CNST: variants seen among roughly 807,000 people sequenced by gnomAD.
The protein encoded by CNST is consortin, connexin sorting protein, also known as consortin.
CNST carries 39 observed loss-of-function variants against 72.4 expected under a neutral mutation model. That is an observed-to-expected ratio of 0.54 (90% CI 0.42 to 0.70). The LOEUF is 0.70. Ranked by LOEUF, CNST falls within the 30% of genes least tolerant of loss-of-function variation. The pLI is 0.00. For synonymous variants in CNST, 332 were observed against 320.1 expected (o/e 1.04, Z -0.40); for missense variants, 871 against 868.5 (o/e 1.00, Z -0.04).
At chr1:246,593,004 C>G (rs561789650) in intron 2 of CNST, among the ~76,000 whole-genome samples, 15 of 152,218 alleles carry the variant, frequency 9.9e-5, no homozygotes, top group African/African-American at 3.1e-4. Flanking sequence ...CACTTTTTAC[C>G]CAAGCCAACA....
At chr1:246,584,179 C>T (rs553079682) in intron 1 of CNST, among the ~76,000 whole-genome samples, 6 of 152,306 alleles carry the variant, frequency 3.9e-5, no homozygotes, top group Admixed American at 1.3e-4. Context: ...TGGTCTCAAG[C>T]GATCCTCGCA....
intron 2 of CNST, among the ~76,000 whole-genome samples, chr1:246,613,745 G>C (rs893019725): frequency 2.3e-4 from 11 of 48,692 alleles, no homozygotes; most frequent in African/African-American, 8.4e-4. Flanking sequence ...CCAGGCTGGA[G>C]TGCAGTAGCC....
rs957696502 is a variant in CNST, at chr1:246,574,665, G to A, written c.-52+8002G>A. On this transcript the variant is annotated intron_variant, in intron 1 of 10. Coordinates refer to ENST00000366513, the MANE Select transcript of CNST (RefSeq NM_152609.3). ...AGAACTCCTGGCCTCCTCCAGGAGCGATCCTCCAGCCTTGGCCTCCCAAAG... is the reference window on the plus strand; with the variant it reads ...AGAACTCCTGGCCTCCTCCAGGAGCAATCCTCCAGCCTTGGCCTCCCAAAG... Among the ~76,000 whole-genome samples the A allele has an allele frequency of 1.4e-4, 22 of 151,960 alleles. 1 individual carries two copies. Among genetic ancestry groups the A allele is most frequent in the Admixed American group, 3.9e-4 (6 of 15,250 alleles).
At chr1:246,599,413 C>T (rs1025157899) in intron 2 of CNST, among the ~76,000 whole-genome samples, 5 of 152,216 alleles carry the variant, frequency 3.3e-5, no homozygotes, top group Middle Eastern at 3.4e-3. Context: ...TTGCCTTTTC[C>T]GGATTCTAGA....
At chr1:246,662,165 C>G (rs1667133647) in intron 10 of CNST, among the ~76,000 whole-genome samples, 1 of 152,128 alleles carries the variant, frequency 6.6e-6, no homozygotes, top group African/African-American at 2.4e-5. Context: ...AATTATAAAA[C>G]TAAATGTAAA....
At chr1:246,585,147 C>T (rs1190769803) in intron 1 of CNST, among the ~76,000 whole-genome samples, 1 of 152,128 alleles carries the variant, frequency 6.6e-6, no homozygotes, top group Non-Finnish European at 1.5e-5. Flanking sequence ...CACCGCAAGG[C>T]CTGTGGTCCC....
chr1:246,584,309 C>T (rs1235992791), intron 1 of CNST, among the ~76,000 whole-genome samples: 1 of 152,128 alleles, frequency 6.6e-6, no homozygotes, highest in African/African-American at 2.4e-5. Context: ...ATTTCAAATT[C>T]ACTTATATAA....
chr1:246,593,930 T>A (rs1207785846), intron 2 of CNST, among the ~76,000 whole-genome samples: 2 of 152,068 alleles, frequency 1.3e-5, no homozygotes, highest in Non-Finnish European at 2.9e-5. Context: ...GCCTGACTAA[T>A]TTTTCTTTTC....
At chr1:246,607,442 C>A (rs1662945278) in intron 2 of CNST, 1 of 152,256 alleles carries the variant, frequency 6.6e-6, no homozygotes, top group South Asian at 2.1e-4. Context: ...GGAAGTACCA[C>A]GGGTGATTTT....
Position 246,648,399 on chromosome 1 carries a change from T to TA in CNST, c.1836+363dup, listed in dbSNP as rs1391084792. Among the ~76,000 whole-genome samples the TA allele has an allele frequency of 2.6e-5, 4 of 152,292 alleles. No homozygotes were observed. In the East Asian group the frequency reaches 7.7e-4, roughly 29 times the overall value. On this transcript the variant is annotated intron_variant, in intron 9 of 10. Transcript: ENST00000366513. Reference sequence around the variant, plus strand: ...AGTCTCATTTTTCTTCTCATACATCTAGCAGATAAAATATGATATGTACTT... The same window carrying TA: ...AGTCTCATTTTTCTTCTCATACATCTAAGCAGATAAAATATGATATGTACTT...
intron 2 of CNST, among the ~76,000 whole-genome samples, chr1:246,610,073 G>A (rs1663203006): frequency 6.6e-6 from 1 of 152,132 alleles, no homozygotes; most frequent in South Asian, 2.1e-4. Context: ...ATGAGGTCAG[G>A]AGTTCAAGAC....
At chr1:246,656,885 A>C (rs1453857005) in intron 9 of CNST, among the ~76,000 whole-genome samples, 1 of 152,082 alleles carries the variant, frequency 6.6e-6, no homozygotes, top group African/African-American at 2.4e-5. Flanking sequence ...AGCTGTCAGC[A>C]TGCCACTGCA....
intron 1 of CNST, among the ~76,000 whole-genome samples, chr1:246,571,514 CA>C (rs1347717113): frequency 6.6e-6 from 1 of 152,108 alleles, no homozygotes; most frequent in Non-Finnish European, 1.5e-5. Flanking sequence ...AACTTTTTGC[CA>C]TTATACCCTC....
At chr1:246,590,057 C>G (rs922648895) in intron 1 of CNST, among the ~76,000 whole-genome samples, 2 of 152,094 alleles carry the variant, frequency 1.3e-5, no homozygotes, top group South Asian at 4.2e-4. Flanking sequence ...TTCTCCCATT[C>G]TGTAGTTTTA....
At chr1:246,661,964 G>A (rs1346789017) in intron 10 of CNST, among the ~76,000 whole-genome samples, 8 of 152,106 alleles carry the variant, frequency 5.3e-5, no homozygotes, top group South Asian at 2.1e-4. Flanking sequence ...TGACCAAATC[G>A]TTCCTTAATA....
At chr1:246,580,578 T>A (rs1251768948) in intron 1 of CNST, among the ~76,000 whole-genome samples, 1 of 152,220 alleles carries the variant, frequency 6.6e-6, no homozygotes, top group Non-Finnish European at 1.5e-5. Flanking sequence ...TCCACAGTAC[T>A]TTGTTCATAG....
At chr1:246,653,754 G>T (rs1479351527) in intron 9 of CNST, among the ~76,000 whole-genome samples, 3 of 151,740 alleles carry the variant, frequency 2.0e-5, no homozygotes, top group Non-Finnish European at 1.5e-5. Flanking sequence ...ATTTATATTT[G>T]TACTGCTCTT....
Position 246,646,209 on chromosome 1 carries a change from G to A in CNST, c.938-930G>A, listed in dbSNP as rs1666055620. ...GCAGGAGAATGGTGTGAACCCGGGA[G>A]GCGGAGCTTGCAGTGAGCCGAGATC... On this transcript the variant is annotated intron_variant, in intron 8 of 10. Coordinates refer to ENST00000366513, the MANE Select transcript of CNST (RefSeq NM_152609.3). Among the ~76,000 whole-genome samples, 3 of 149,074 alleles carry A rather than the reference G, an allele frequency of 2.0e-5. No homozygotes were observed. The South Asian group carries it at 6.4e-4, about 32-fold the overall frequency.
chr1:246,607,796 C>T (rs1207100872), intron 2 of CNST: 1 of 152,272 alleles, frequency 6.6e-6, no homozygotes, highest in Non-Finnish European at 1.5e-5. Context: ...CCCAAGCTTT[C>T]AGGCCCCGGG....
Sources: allele counts gnomAD v4.1 joint callset (sites outside exome capture counted in the v4.1 genomes callset), GRCh38; gene constraint gnomAD v4.1.1; transcripts MANE v1.5; gene names NCBI Gene and HGNC (gene_info 2026-07-23, HGNC 2026-07-21).